ADARB2: variants seen among roughly 807,000 people sequenced by gnomAD.
The protein encoded by ADARB2 is adenosine deaminase RNA specific B2 (inactive).
ADARB2 carries 25 observed loss-of-function variants against 62.2 expected under a neutral mutation model. That is an observed-to-expected ratio of 0.40 (90% CI 0.29 to 0.56). The LOEUF (loss-of-function observed/expected upper bound fraction) is 0.56. Ranked by LOEUF, ADARB2 falls within the 20% of genes least tolerant of loss-of-function variation. The pLI, the probability that ADARB2 is intolerant of heterozygous loss-of-function variation, is 0.43. For synonymous variants in ADARB2, 572 were observed against 500.8 expected (o/e 1.14, Z -1.90); for missense variants, 1,071 against 1,077.4 (o/e 0.99, Z 0.08).
chr10:1,440,499 G>A (rs74120614), intron 1 of ADARB2, among the ~76,000 whole-genome samples: 302 of 150,556 alleles, frequency 2.0e-3, no homozygotes, highest in East Asian at 0.011. Context: ...CAGAGCCCAC[G>A]ATATACCCCC....
At chr10:1,692,958 T>C (rs1306744431) in intron 1 of ADARB2, among the ~76,000 whole-genome samples, 1 of 152,180 alleles carries the variant, frequency 6.6e-6, no homozygotes, top group African/African-American at 2.4e-5. Context: ...CTGTTCCTCA[T>C]GCAGCCTCTA....
intron 1 of ADARB2, among the ~76,000 whole-genome samples, chr10:1,633,099 CCTCCTGCTT>C (rs1017647909): frequency 1.3e-4 from 20 of 152,206 alleles, no homozygotes; most frequent in African/African-American, 4.6e-4. Context: ...TCCTGCTTCT[CCTCCTGCTT>C]CTCCTGCTTC....
intron 2 of ADARB2, among the ~76,000 whole-genome samples, chr10:1,365,179 G>A (rs1481759721): frequency 6.6e-6 from 1 of 152,014 alleles, no homozygotes; most frequent in Non-Finnish European, 1.5e-5. Flanking sequence ...GCCACATTTT[G>A]GTAATTCTCA....
chr10:1,647,304 C>T (rs749523561), intron 1 of ADARB2, among the ~76,000 whole-genome samples: 6 of 152,018 alleles, frequency 3.9e-5, no homozygotes, highest in Non-Finnish European at 4.4e-5. Context: ...CTACCATTGG[C>T]TCCTTATGAA....
intron 1 of ADARB2, among the ~76,000 whole-genome samples, chr10:1,626,432 C>G (rs538840213): frequency 4.1e-4 from 62 of 152,082 alleles, no homozygotes; most frequent in African/African-American, 1.5e-3. Context: ...ATCTCGGACG[C>G]TAACCCCACG....
At chr10:1,214,565 G>T (rs914903280) in intron 7 of ADARB2, among the ~76,000 whole-genome samples, 5 of 151,886 alleles carry the variant, frequency 3.3e-5, no homozygotes, top group African/African-American at 1.2e-4. Context: ...CCGGCGTCGC[G>T]TGGGTTCGCA....
intron 1 of ADARB2, among the ~76,000 whole-genome samples, chr10:1,562,086 C>A (rs1360354797): frequency 6.6e-6 from 1 of 152,180 alleles, no homozygotes; most frequent in Non-Finnish European, 1.5e-5. Flanking sequence ...CAGTGCGGTT[C>A]TCAGGGGCCC....
chr10:1,698,868 T>G (rs1834783274), intron 1 of ADARB2, among the ~76,000 whole-genome samples: 1 of 152,196 alleles, frequency 6.6e-6, no homozygotes, highest in African/African-American at 2.4e-5. Flanking sequence ...CAAGCAGTTC[T>G]CCCTGCCTCA....
intron 3 of ADARB2, among the ~76,000 whole-genome samples, chr10:1,343,255 A>G (rs1464620230): frequency 6.6e-6 from 1 of 152,256 alleles, no homozygotes; most frequent in Non-Finnish European, 1.5e-5. Context: ...CAATAAGCAT[A>G]TGAAAAAAAG....
chr10:1,315,797 G>A (rs17221631), intron 3 of ADARB2, among the ~76,000 whole-genome samples: 3,659 of 152,118 alleles, frequency 0.024, 82 homozygotes, highest in East Asian at 0.11. Context: ...TATTTCCATC[G>A]ACCAAAATAA....
intron 1 of ADARB2, among the ~76,000 whole-genome samples, chr10:1,674,712 C>A (rs1386060650): frequency 2.0e-5 from 3 of 152,168 alleles, no homozygotes; most frequent in Non-Finnish European, 4.4e-5. Flanking sequence ...TCCACTCACT[C>A]ATCAACTGTA....
chr10:1,545,290 G>A (rs1053578632), intron 1 of ADARB2, among the ~76,000 whole-genome samples: 10 of 152,186 alleles, frequency 6.6e-5, no homozygotes, highest in African/African-American at 2.4e-4. Context: ...TGGAAGACTA[G>A]CTACATCTTG....
At chr10:1,574,663 C>T (rs779818958) in intron 1 of ADARB2, among the ~76,000 whole-genome samples, 6 of 152,162 alleles carry the variant, frequency 3.9e-5, no homozygotes, top group East Asian at 1.9e-4. Flanking sequence ...TGTGTCCTAA[C>T]GTCTGCTTTT....
At chr10:1,582,863 G>A (rs894346809) in intron 1 of ADARB2, among the ~76,000 whole-genome samples, 3 of 152,136 alleles carry the variant, frequency 2.0e-5, no homozygotes, top group Non-Finnish European at 4.4e-5. Context: ...CATAATCATG[G>A]TGCCTCTGCT....
rs548336003 is a variant in ADARB2 at position 1,636,321 on chromosome 10, A to G, written c.100+100730T>C. On this transcript the variant is annotated intron_variant, in intron 1 of 9. Transcript: ENST00000381312. ...CACTTGAGCCCAGGAGTTTGAGACC[A>G]GCCTGGGCTACAAAGAAAAGTCCCA... 2.0e-5 allele frequency among the ~76,000 whole-genome samples: 3 copies of G among 152,266 alleles called. No individual in the cohort carries two copies. The East Asian group carries it at 5.8e-4, about 29-fold the overall frequency.
At chr10:1,712,611 C>CT (rs763837957) in intron 1 of ADARB2, among the ~76,000 whole-genome samples, 16,644 of 138,612 alleles carry the variant, frequency 0.12, 1,575 homozygotes, top group East Asian at 0.31. Flanking sequence ...ACCACCATTA[C>CT]TTTTTTTTTT....
At chr10:1,332,476 G>GTTTTT (rs759566790) in intron 3 of ADARB2, among the ~76,000 whole-genome samples, 4,314 of 129,678 alleles carry the variant, frequency 0.033, 189 homozygotes, top group Non-Finnish European at 0.05. Flanking sequence ...ACTAGCATCA[G>GTTTTT]TTTTGTTTTT....
At chr10:1,461,121 G>A (rs1588266607) in intron 1 of ADARB2, among the ~76,000 whole-genome samples, 1 of 152,182 alleles carries the variant, frequency 6.6e-6, no homozygotes. Context: ...TCTGCTGCAC[G>A]CCAGGGACAG....
intron 1 of ADARB2, among the ~76,000 whole-genome samples, chr10:1,492,147 C>T (rs1831629809): frequency 6.6e-6 from 1 of 152,078 alleles, no homozygotes. Context: ...AGTGAACCAT[C>T]AATAAGTGAA....
Sources: allele counts gnomAD v4.1 joint callset (sites outside exome capture counted in the v4.1 genomes callset), GRCh38; gene constraint gnomAD v4.1.1; transcripts MANE v1.5; gene names NCBI Gene and HGNC (gene_info 2026-07-23, HGNC 2026-07-21).